Variants in LRRC49 observed in about 807,000 individuals in gnomAD.
LRRC49 encodes the protein leucine rich repeat containing 49, also known as leucine-rich repeat-containing protein 49.
In LRRC49, 50 loss-of-function variants were observed where a neutral mutation model predicts 83.3. The ratio of observed to expected loss-of-function variants is 0.60; its 90% CI spans 0.48 to 0.76. The LOEUF is 0.76. Among genes scored for constraint, LRRC49 ranks in the 30% least tolerant of loss-of-function variants. The pLI, the probability that LRRC49 is intolerant of heterozygous loss-of-function variation, is 0.00. For synonymous variants in LRRC49, 286 were observed against 283.3 expected, an observed-to-expected ratio of 1.01 and a Z score of -0.10; for missense variants, 704 against 809.1, an observed-to-expected ratio of 0.87 and a Z score of 1.58.
In LRRC49 at chr15:71,040,783, G is replaced by A. The variant is rs549195720; in HGVS notation, c.1857+3451G>A. On this transcript the variant is annotated intron_variant, in intron 15 of 15. Transcript: ENST00000260382. ...TGCAGTGAGCCGAGATTGCGCCACT[G>A]TACTCCAGCCTGGGCAACAAAGCAA... Among the ~76,000 whole-genome samples the A allele has an allele frequency of 3.2e-3, 424 of 133,620 alleles. 2 individuals are homozygous for A. Among genetic ancestry groups the A allele is most frequent in the Non-Finnish European group, 5.1e-3 (329 of 65,092 alleles). The allele number at this position is 133,620 out of a possible 152,430, so 87.7% of individuals were successfully genotyped here.
intron 8 of LRRC49, among the ~76,000 whole-genome samples, chr15:70,959,034 AATAAATAAAGTATTT>A (rs1482584718): frequency 6.6e-6 from 1 of 151,938 alleles, no homozygotes; most frequent in Non-Finnish European, 1.5e-5. Context: ...TTAGTGCCTG[AATAAATAAAGTATTT>A]ATAGTACTAT....
intron 9 of LRRC49, among the ~76,000 whole-genome samples, chr15:70,972,583 C>T (rs957906558): frequency 1.3e-5 from 2 of 152,158 alleles, no homozygotes; most frequent in Non-Finnish European, 1.5e-5. Flanking sequence ...GTGTGTTTTC[C>T]AACTTGCTTC....
intron 9 of LRRC49, among the ~76,000 whole-genome samples, chr15:70,977,895 G>C (rs1340824556): frequency 6.6e-6 from 1 of 152,032 alleles, no homozygotes; most frequent in African/African-American, 2.4e-5. Flanking sequence ...TCCTGGCCTT[G>C]TCACTAGCTA....
chr15:70,956,004 T>C (rs1245297416), intron 8 of LRRC49, among the ~76,000 whole-genome samples: 1 of 152,234 alleles, frequency 6.6e-6, no homozygotes, highest in African/African-American at 2.4e-5. Context: ...AAATCCTCAC[T>C]GATCAATATA....
intron 6 of LRRC49, among the ~76,000 whole-genome samples, chr15:70,912,801 T>G (rs1238798988): frequency 6.6e-6 from 1 of 151,846 alleles, no homozygotes; most frequent in East Asian, 1.9e-4. Flanking sequence ...CTCAGCCTCC[T>G]GAGTAGCTGG....
chr15:70,920,343 AATTTTAG>A (rs2034962900), intron 7 of LRRC49, among the ~76,000 whole-genome samples: 1 of 152,220 alleles, frequency 6.6e-6, no homozygotes, highest in African/African-American at 2.4e-5. Flanking sequence ...AGGTTAGAAT[AATTTTAG>A]CATGCTATCC....
rs116551554 is a variant in LRRC49, at chr15:70,953,416, T to C, written c.774-10369T>C. 1.8e-3 allele frequency among the ~76,000 whole-genome samples: 277 copies of C among 152,308 alleles called. 2 individuals are homozygous for C. Among genetic ancestry groups the C allele is most frequent in the African/African-American group, 6.6e-3 (273 of 41,566 alleles). ...TTAGTTTGGAATGATATGGAATTCT[T>C]GGTTGGAATTTCTTTTCTTCAAGGA... On this transcript the variant is annotated intron_variant, in intron 8 of 15. Coordinates refer to ENST00000260382, the MANE Select transcript of LRRC49 (RefSeq NM_017691.5).
intron 8 of LRRC49, among the ~76,000 whole-genome samples, chr15:70,960,111 T>C (rs1240742907): frequency 6.6e-6 from 1 of 152,146 alleles, no homozygotes; most frequent in African/African-American, 2.4e-5. Context: ...GTTTGGAGAG[T>C]ACTTTTCTAT....
upstream of LRRC49, among the ~76,000 whole-genome samples, chr15:70,891,618 TGA>T (rs1555426203): frequency 1.4e-4 from 18 of 127,624 alleles, no homozygotes; most frequent in Admixed American, 5.5e-4. Flanking sequence ...TGTGTGTGTG[TGA>T]GTTTTGGGGG....
chr15:70,863,705 T>C (rs1200270248), intron 1 of LRRC49, among the ~76,000 whole-genome samples: 3 of 152,230 alleles, frequency 2.0e-5, no homozygotes, highest in African/African-American at 4.8e-5. Flanking sequence ...GCGTCTGATA[T>C]GTGTTTGTTT....
intron 10 of LRRC49, among the ~76,000 whole-genome samples, chr15:70,982,684 G>A (rs921872049): frequency 2.0e-5 from 3 of 152,236 alleles, no homozygotes; most frequent in African/African-American, 7.2e-5. Context: ...AGGTGTGACT[G>A]TAGCACACTA....
chr15:71,025,226 A>C (rs765997581), intron 14 of LRRC49, among the ~76,000 whole-genome samples: 36 of 152,218 alleles, frequency 2.4e-4, no homozygotes, highest in Non-Finnish European at 4.4e-5. Flanking sequence ...TGAGAAGATC[A>C]ACCCCAAGAC....
intron 9 of LRRC49, among the ~76,000 whole-genome samples, chr15:70,979,111 C>T (rs541348592): frequency 2.6e-5 from 4 of 151,898 alleles, no homozygotes; most frequent in Admixed American, 6.6e-5. Context: ...TTAAAAGTTA[C>T]GTGGTTATAA....
At chr15:70,929,708 T>C (rs2035337143) in intron 7 of LRRC49, among the ~76,000 whole-genome samples, 1 of 152,246 alleles carries the variant, frequency 6.6e-6, no homozygotes, top group Non-Finnish European at 1.5e-5. Flanking sequence ...TGGTGCTTTA[T>C]CAACTAAGTT....
At chr15:70,951,010 T>C (rs1301680903) in intron 8 of LRRC49, among the ~76,000 whole-genome samples, 1 of 152,156 alleles carries the variant, frequency 6.6e-6, no homozygotes, top group Non-Finnish European at 1.5e-5. Context: ...ATTTATTGAA[T>C]AGGAAATACT....
intron 6 of LRRC49, among the ~76,000 whole-genome samples, chr15:70,911,807 T>C (rs772474294): frequency 6.6e-6 from 1 of 152,218 alleles, no homozygotes; most frequent in Non-Finnish European, 1.5e-5. Context: ...TTTCAAATTC[T>C]TATAGTTATG....
chr15:70,905,259 AG>A (rs1478366732), intron 5 of LRRC49, among the ~76,000 whole-genome samples: 1 of 152,212 alleles, frequency 6.6e-6, no homozygotes, highest in African/African-American at 2.4e-5. Flanking sequence ...GCAACTATAC[AG>A]TTCTTGACTC....
At chr15:70,954,473 G>A (rs1473467046) in intron 8 of LRRC49, among the ~76,000 whole-genome samples, 1 of 152,202 alleles carries the variant, frequency 6.6e-6, no homozygotes, top group African/African-American at 2.4e-5. Context: ...TGGGGAGCTA[G>A]TGTGATCATC....
chr15:70,956,655 C>T (rs2036413626), intron 8 of LRRC49, among the ~76,000 whole-genome samples: 1 of 151,768 alleles, frequency 6.6e-6, no homozygotes, highest in African/African-American at 2.4e-5. Context: ...CATCATTAGC[C>T]TGTATTTGTA....
Sources: allele counts gnomAD v4.1 joint callset (sites outside exome capture counted in the v4.1 genomes callset), GRCh38; gene constraint gnomAD v4.1.1; transcripts MANE v1.5; gene names NCBI Gene and HGNC (gene_info 2026-07-23, HGNC 2026-07-21).